PLCB1: variants seen among roughly 807,000 people sequenced by gnomAD.
PLCB1 encodes the protein phospholipase C beta 1, also known as 1-phosphatidylinositol 4,5-bisphosphate phosphodiesterase beta-1.
In PLCB1, 46 loss-of-function variants were observed where a neutral mutation model predicts 161.8. The ratio of observed to expected loss-of-function variants is 0.28; its 90% CI spans 0.22 to 0.36. PLCB1 has a LOEUF of 0.36. PLCB1 is among the 10% of genes least tolerant of loss of function. PLCB1 has a pLI of 1.00. For synonymous variants in PLCB1, 517 were observed against 503.7 expected (o/e 1.03, Z -0.35); for missense variants, 1,016 against 1,472.5 (o/e 0.69, Z 5.07).
chr20:8,201,842 A>G (rs1440675363), intron 2 of PLCB1, among the ~76,000 whole-genome samples: 1 of 152,174 alleles, frequency 6.6e-6, no homozygotes, highest in Non-Finnish European at 1.5e-5. Context: ...TTAAAGGAAA[A>G]TGTTAACTTT....
chr20:8,249,662 G>T (rs1432763023), intron 2 of PLCB1: 1 of 151,848 alleles, frequency 6.6e-6, no homozygotes, highest in East Asian at 1.9e-4. Context: ...GTGCTTCCTG[G>T]TGATTTTAGG....
chr20:8,827,408 T>C (rs1985758709), intron 31 of PLCB1, among the ~76,000 whole-genome samples: 1 of 152,218 alleles, frequency 6.6e-6, no homozygotes, highest in South Asian at 2.1e-4. Context: ...GGAAAGGATT[T>C]AGGGGTCCAT....
chr20:8,532,873 A>G (rs1387760322), intron 3 of PLCB1, among the ~76,000 whole-genome samples: 1 of 152,024 alleles, frequency 6.6e-6, no homozygotes, highest in Non-Finnish European at 1.5e-5. Context: ...TTATTTTATT[A>G]TTATGATACT....
intron 15 of PLCB1, among the ~76,000 whole-genome samples, chr20:8,723,492 C>T (rs1042502870): frequency 2.0e-5 from 3 of 152,118 alleles, no homozygotes; most frequent in Non-Finnish European, 4.4e-5. Flanking sequence ...CCATTTTGTG[C>T]CAACACTGCA....
At chr20:8,875,487 A>G (rs1057068488) in intron 31 of PLCB1, among the ~76,000 whole-genome samples, 2 of 134,288 alleles carry the variant, frequency 1.5e-5, no homozygotes, top group African/African-American at 5.5e-5. Flanking sequence ...ATTATAAAAT[A>G]TTTATATAAC....
intron 10 of PLCB1, among the ~76,000 whole-genome samples, chr20:8,695,820 A>G (rs1307946976): frequency 1.3e-5 from 2 of 152,192 alleles, no homozygotes; most frequent in Non-Finnish European, 2.9e-5. Context: ...TGCAAGAGCT[A>G]TTTATTATTA....
chr20:8,788,342 C>T, intron 27 of PLCB1, 107 bp from the exon 28 acceptor site: 1 of 980,078 alleles, frequency 1.0e-6, no homozygotes, highest in Non-Finnish European at 1.5e-6. Flanking sequence ...TATTGTGAAA[C>T]ATCCATCACA....
chr20:8,814,818 A>G (rs1985005417), intron 31 of PLCB1, among the ~76,000 whole-genome samples: 1 of 152,212 alleles, frequency 6.6e-6, no homozygotes, highest in Admixed American at 6.5e-5. Context: ...ATCCATTGCT[A>G]TGGTTTTGAC....
intron 18 of PLCB1, among the ~76,000 whole-genome samples, chr20:8,730,544 T>C (rs1226845486): frequency 6.6e-6 from 1 of 151,836 alleles, no homozygotes; most frequent in Non-Finnish European, 1.5e-5. Flanking sequence ...TTACTACTAT[T>C]AATTTTCAAT....
intron 3 of PLCB1, among the ~76,000 whole-genome samples, chr20:8,519,517 C>T (rs1014886858): frequency 1.3e-5 from 2 of 152,154 alleles, no homozygotes; most frequent in African/African-American, 4.8e-5. Context: ...CCTGCTCTCT[C>T]TCCCCCATAG....
chr20:8,721,417 T>G (rs1285375336), intron 14 of PLCB1, among the ~76,000 whole-genome samples: 1 of 152,224 alleles, frequency 6.6e-6, no homozygotes, highest in Non-Finnish European at 1.5e-5. Context: ...TTGAAAATCT[T>G]TTTTATATAA....
chr20:8,140,361 G>A (rs954008331), intron 1 of PLCB1, among the ~76,000 whole-genome samples: 2 of 152,116 alleles, frequency 1.3e-5, no homozygotes, highest in African/African-American at 4.8e-5. Context: ...GGCTGATATG[G>A]CCTTTTGCGG....
intron 2 of PLCB1, among the ~76,000 whole-genome samples, chr20:8,297,535 G>C (rs988528612): frequency 5.9e-5 from 9 of 152,176 alleles, no homozygotes; most frequent in Non-Finnish European, 1.0e-4. Context: ...CAAAAGGGAA[G>C]TGGAGAAAAT....
At chr20:8,856,302 C>T (rs1568626557) in intron 31 of PLCB1, among the ~76,000 whole-genome samples, 1 of 151,872 alleles carries the variant, frequency 6.6e-6, no homozygotes, top group African/African-American at 2.4e-5. Context: ...GTTAAAGGAC[C>T]ATACTGAACC....
At chr20:8,394,531 C>T (rs1389543303) in intron 3 of PLCB1, among the ~76,000 whole-genome samples, 2 of 152,106 alleles carry the variant, frequency 1.3e-5, no homozygotes, top group Non-Finnish European at 2.9e-5. Context: ...CAGTATTACT[C>T]ATGTGGTCAC....
chr20:8,703,838 ACACT>A (rs1978507806), intron 11 of PLCB1, among the ~76,000 whole-genome samples: 2 of 152,154 alleles, frequency 1.3e-5, no homozygotes, highest in African/African-American at 2.4e-5. Flanking sequence ...GCCCAGAGAA[ACACT>A]CACATTTTAT....
At chr20:8,780,873 T>G (rs1341107244) in intron 27 of PLCB1, among the ~76,000 whole-genome samples, 3 of 152,120 alleles carry the variant, frequency 2.0e-5, no homozygotes, top group African/African-American at 7.2e-5. Flanking sequence ...CTCATGAAAC[T>G]GTAAGGAGGA....
chr20:8,756,775 A>G (rs557202036), intron 23 of PLCB1, among the ~76,000 whole-genome samples: 19 of 152,300 alleles, frequency 1.2e-4, no homozygotes, highest in Non-Finnish European at 2.6e-4. Context: ...AGCAAATCAC[A>G]TGGTCTGGTC....
intron 3 of PLCB1, among the ~76,000 whole-genome samples, chr20:8,585,540 C>A (rs1986964049): frequency 6.6e-6 from 1 of 152,248 alleles, no homozygotes; most frequent in South Asian, 2.1e-4. Context: ...TCCTGGTCTA[C>A]CATATCGGTT....
Sources: gnomAD v4.1 joint callset for allele counts (sites outside exome capture counted in the v4.1 genomes callset) on GRCh38, gnomAD v4.1.1 for gene constraint, MANE v1.5 for transcripts, NCBI Gene and HGNC (gene_info 2026-07-23, HGNC 2026-07-21) for gene names.